The following MBTPS2 variants were observed in gnomAD, a reference collection of about 807,000 sequenced individuals.
MBTPS2 encodes the protein membrane bound transcription factor peptidase, site 2.
Under a neutral mutation model 35.4 loss-of-function variants are expected in MBTPS2, and 2 were observed. That is an observed-to-expected ratio of 0.06 (90% confidence interval 0.02 to 0.18). MBTPS2 has a LOEUF of 0.18. Among genes scored for constraint, MBTPS2 ranks in the 10% least tolerant of loss-of-function variants. The pLI is 1.00. For synonymous variants in MBTPS2, 125 were observed against 140.4 expected, an observed-to-expected ratio of 0.89 and a Z score of 0.77; for missense variants, 244 against 386.5, an observed-to-expected ratio of 0.63 and a Z score of 3.09.
At chrX:21,865,389 G>A (rs1297540739) in intron 5 of MBTPS2, among the ~76,000 whole-genome samples, 3 of 111,508 alleles carry the variant, frequency 2.7e-5, no homozygotes, top group African/African-American at 9.8e-5. Context: ...CTGCTATCTG[G>A]TTCCAAGTGA....
intron 5 of MBTPS2, among the ~76,000 whole-genome samples, chrX:21,863,518 T>C (rs1402311379): frequency 9.0e-6 from 1 of 111,046 alleles, no homozygotes; most frequent in Non-Finnish European, 1.9e-5. Context: ...TTATTACTTC[T>C]ATATTGTTTG....
intron 3 of MBTPS2, among the ~76,000 whole-genome samples, chrX:21,848,765 G>A (rs1186073476): frequency 8.9e-6 from 1 of 111,822 alleles, no homozygotes; most frequent in Non-Finnish European, 1.9e-5. Context: ...AAGGACACTT[G>A]GAATTAATGG....
chrX:21,880,800 A>G, intron 9 of MBTPS2, 97 bp from the exon 10 acceptor site: 1 of 596,368 alleles, frequency 1.7e-6, no homozygotes, highest in Non-Finnish European at 2.8e-6. Flanking sequence ...AATCAGTTTA[A>G]TCTGCTAGCC....
chrX:21,857,492 C>T (rs747118571), intron 5 of MBTPS2: 7 of 1,210,557 alleles, frequency 5.8e-6, no homozygotes, highest in South Asian at 1.8e-5. Flanking sequence ...GCATCCACAC[C>T]GGCGATAAGC....
intron 2 of MBTPS2, among the ~76,000 whole-genome samples, chrX:21,844,098 AG>A (rs977643795): frequency 1.9e-5 from 2 of 105,028 alleles, no homozygotes; most frequent in African/African-American, 7.1e-5. Context: ...TGACACAGCA[AG>A]ACCCTATCTC....
At position 21,845,206 on chromosome X, in the gene MBTPS2, T is replaced by C. The variant is rs368866917; in HGVS notation, c.260T>C (p.Met87Thr). The change falls in exon 3 of 11, where the codon ATG becomes ACG. Residue 87 changes from methionine to threonine, a missense_variant. By Grantham distance (81) the Met-to-Thr change is moderately conservative (BLOSUM62 -1). Transcript: ENST00000379484. ...NFGMVFGVIA[M>T]FSSFFLLGKT... is the part of the protein sequence containing the mutation. ...GGAATGGTGTTTGGCGTAATTGCCA[T>C]GTTTAGCTCATTTTTTCTCCTTGGA... 5.0e-6 allele frequency: 6 copies of C among 1,211,502 alleles called. No homozygotes were observed. The highest frequency in any genetic ancestry group is 5.6e-6 in the Non-Finnish European group (5 of 895,099).
At chrX:21,881,551 G>A (rs900854311) in intron 10 of MBTPS2, among the ~76,000 whole-genome samples, 4 of 111,501 alleles carry the variant, frequency 3.6e-5, no homozygotes, top group East Asian at 5.6e-4. Flanking sequence ...TATTTTTGTC[G>A]CTTTTAAATT....
intron 6 of MBTPS2, 94 bp downstream of exon 6, chrX:21,868,679 A>G: frequency 1.6e-6 from 1 of 623,561 alleles, no homozygotes; most frequent in South Asian, 2.2e-5. Flanking sequence ...ATCTCTTCAT[A>G]TACAAAATGC....
chrX:21,853,551 G>T, intron 5 of MBTPS2, 48 bp downstream of exon 5: 2 of 1,143,767 alleles, frequency 1.7e-6, no homozygotes, highest in Non-Finnish European at 2.4e-6. Flanking sequence ...TTTTGGTTTT[G>T]ATTTTCTATG....
intron 5 of MBTPS2, among the ~76,000 whole-genome samples, chrX:21,862,967 TAA>T (rs61419207): frequency 5.1e-5 from 3 of 58,364 alleles, no homozygotes; most frequent in Admixed American, 2.1e-4. Flanking sequence ...TATATATATA[TAA>T]AACCGACTGG....
At chrX:21,858,179 A>G (rs2092926263) in intron 5 of MBTPS2, 1 of 124,749 alleles carries the variant, frequency 8.0e-6, no homozygotes, top group Admixed American at 9.3e-5. Context: ...GTAGTCTTGG[A>G]TGTTAACACA....
intron 5 of MBTPS2, among the ~76,000 whole-genome samples, chrX:21,859,206 A>G (rs2147440279): frequency 9.0e-6 from 1 of 111,291 alleles, no homozygotes; most frequent in African/African-American, 3.3e-5. Context: ...CAAAATGTTC[A>G]TGTTTATACT....
At chrX:21,850,535 C>G (rs1462308596) in intron 3 of MBTPS2, among the ~76,000 whole-genome samples, 1 of 110,432 alleles carries the variant, frequency 9.1e-6, no homozygotes, top group Non-Finnish European at 1.9e-5. Context: ...AAAAGGATAC[C>G]TTTTAGTCCC....
At position 21,864,880 on chromosome X, in the gene MBTPS2, CTT is replaced by C. The variant is rs201224155; in HGVS notation, c.671-3572_671-3571del. 7.8e-4 allele frequency among the ~76,000 whole-genome samples: 69 copies of C among 88,500 alleles called. 2 individuals are homozygous for C. Among genetic ancestry groups the C allele is most frequent in the African/African-American group, 2.1e-3 (53 of 25,091 alleles). 76.9% of individuals were successfully genotyped at this position (88,500 alleles called of 115,157 possible). On this transcript the variant is annotated intron_variant, in intron 5 of 10. Coordinates refer to ENST00000379484, the MANE Select transcript of MBTPS2 (RefSeq NM_015884.4). ...TTTTTCTTTTTTTCTTTCTTTCTTT[CTT>C]TTTTTTTTTTTTTTCTGAGACAGGA...
intron 6 of MBTPS2, among the ~76,000 whole-genome samples, 165 bp downstream of exon 6, chrX:21,868,750 C>A (rs2092943641): frequency 8.9e-6 from 1 of 112,490 alleles, no homozygotes; most frequent in Non-Finnish European, 1.9e-5. Context: ...TGTTGGGAAA[C>A]ACATTGGTTT....
intron 5 of MBTPS2, chrX:21,856,236 T>C: frequency 2.6e-6 from 1 of 389,597 alleles, no homozygotes; most frequent in Non-Finnish European, 4.4e-6. Flanking sequence ...CGTCTGGCTA[T>C]CCCAGAAGCA....
chrX:21,877,962 TC>T, intron 7 of MBTPS2, 79 bp from the exon 8 acceptor site: 1 of 638,986 alleles, frequency 1.6e-6, no homozygotes, highest in Admixed American at 2.4e-5. Flanking sequence ...TTTTACTTAT[TC>T]TTTTTGTCTT....
At chrX:21,865,917 A>C (rs1054237984) in intron 5 of MBTPS2, among the ~76,000 whole-genome samples, 2 of 111,800 alleles carry the variant, frequency 1.8e-5, no homozygotes, top group Admixed American at 1.9e-4. Context: ...TGCCTTGATG[A>C]CAACTATAGA....
At chrX:21,857,686 GT>G (rs2092925225) in intron 5 of MBTPS2, 1 of 991,454 alleles carries the variant, frequency 1.0e-6, no homozygotes, top group African/African-American at 2.4e-5. Flanking sequence ...AGCTTTGTAT[GT>G]TGTTTCTAAG....
Sources: allele counts gnomAD v4.1 joint callset (sites outside exome capture counted in the v4.1 genomes callset), GRCh38; gene constraint gnomAD v4.1.1; transcripts MANE v1.5; gene names NCBI Gene and HGNC (gene_info 2026-07-23, HGNC 2026-07-21).